The following ZNF182 variants were observed in gnomAD, a reference collection of about 807,000 sequenced individuals.
The protein encoded by ZNF182 is zinc finger protein 182, also known as zinc finger protein 21 (KOX 14).
Under a neutral mutation model 28.1 loss-of-function variants are expected in ZNF182, and 10 were observed. That is an observed-to-expected ratio of 0.36 (90% CI 0.22 to 0.60). The LOEUF (loss-of-function observed/expected upper bound fraction) is 0.60, where lower values mean the gene tolerates loss of function less well. Among genes scored for constraint, ZNF182 ranks in the 20% least tolerant of loss-of-function variants. The pLI, the probability that ZNF182 is intolerant of heterozygous loss-of-function variation, is 0.75. For synonymous variants in ZNF182, 156 were observed against 158.7 expected (o/e 0.98, Z 0.13); for missense variants, 352 against 453.2 (o/e 0.78, Z 2.03).
At chrX:47,987,263 T>C (rs1336488822) in intron 3 of ZNF182, among the ~76,000 whole-genome samples, 1 of 112,077 alleles carries the variant, frequency 8.9e-6, no homozygotes, top group East Asian at 2.8e-4. Flanking sequence ...GATCTCCAGA[T>C]TGACTCACAA....
At chrX:47,986,136 T>C (rs1202308304) in intron 3 of ZNF182, among the ~76,000 whole-genome samples, 1 of 111,871 alleles carries the variant, frequency 8.9e-6, no homozygotes, top group Admixed American at 9.4e-5. Context: ...GGAATGAAGG[T>C]TTGGGTCACT....
At chrX:47,996,665 C>T (rs2058959332) in intron 3 of ZNF182, among the ~76,000 whole-genome samples, 1 of 111,973 alleles carries the variant, frequency 8.9e-6, no homozygotes, top group African/African-American at 3.2e-5. Flanking sequence ...TACATTGAAG[C>T]CCCAACCTGC....
At chrX:47,999,933 C>T (rs2058972989) in intron 3 of ZNF182, among the ~76,000 whole-genome samples, 1 of 110,982 alleles carries the variant, frequency 9.0e-6, no homozygotes, top group South Asian at 3.8e-4. Context: ...GTCAGCAGTT[C>T]GAGACCAGCC....
chrX:47,985,774 A>G (rs2058921390), intron 3 of ZNF182, among the ~76,000 whole-genome samples: 1 of 110,743 alleles, frequency 9.0e-6, no homozygotes, highest in Admixed American at 9.6e-5. Flanking sequence ...CTGCAACATT[A>G]TGTTCTGCCA....
intron 5 of ZNF182, among the ~76,000 whole-genome samples, chrX:47,978,817 TAGTC>T (rs1338972115): frequency 2.7e-5 from 3 of 112,672 alleles, no homozygotes; most frequent in African/African-American, 9.7e-5. Flanking sequence ...ACTTCTAAAG[TAGTC>T]AGTCATCTGT....
chrX:47,983,434 T>C (rs368847467), intron 3 of ZNF182, 23 bp from the exon 4 acceptor site: 35 of 1,178,948 alleles, frequency 3.0e-5, no homozygotes, highest in Non-Finnish European at 3.9e-5. Context: ...ATTCCTTTTA[T>C]TTTAAAATGC....
At chrX:47,995,933 A>G (rs1023411812) in intron 3 of ZNF182, among the ~76,000 whole-genome samples, 11 of 112,668 alleles carry the variant, frequency 9.8e-5, no homozygotes, top group Non-Finnish European at 1.9e-4. Context: ...AATGAAGGTG[A>G]AAGAAGACAT....
intron 3 of ZNF182, among the ~76,000 whole-genome samples, chrX:47,984,097 C>A (rs1354842447): frequency 3.6e-5 from 4 of 111,013 alleles, no homozygotes; most frequent in African/African-American, 1.3e-4. Context: ...GAAACACACA[C>A]AAAAGAATGG....
intron 3 of ZNF182, among the ~76,000 whole-genome samples, chrX:48,001,307 G>A (rs2058977747): frequency 8.9e-6 from 1 of 112,311 alleles, no homozygotes; most frequent in Non-Finnish European, 1.9e-5. Context: ...CAGGTGAATG[G>A]ATAAATACAC....
intron 3 of ZNF182, among the ~76,000 whole-genome samples, chrX:47,990,445 C>T (rs1466162519): frequency 9.0e-6 from 1 of 111,222 alleles, no homozygotes; most frequent in East Asian, 2.8e-4. Flanking sequence ...CTGCCATTAA[C>T]TCTCAAACTG....
intron 2 of ZNF182, 105 bp from the exon 3 acceptor site, chrX:48,002,758 C>T: frequency 3.1e-6 from 2 of 649,679 alleles, no homozygotes; most frequent in Non-Finnish European, 4.8e-6. Flanking sequence ...GGCCATCAGA[C>T]TGCTCTCTGG....
At position 47,976,961 on chromosome X, in the gene ZNF182, A is replaced by G; in HGVS notation, c.1069T>C (p.Cys357Arg). ...CTGAAAGTTTTCTTACACTCATTAC[A>G]TTCATGGGGTTTCTTTCCTGTATGG... ...STHTGKKPHE[C>R]NECKKTFSDK... is the part of the protein sequence containing the mutation. The change falls in exon 6 of 6, where the codon TGT becomes CGT. Residue 357 changes from cysteine (C) to arginine (R), a missense_variant. By Grantham distance (180) the Cys-to-Arg change is radical. Coordinates refer to ENST00000376943, the MANE Select transcript of ZNF182 (RefSeq NM_001007088.2). 2.5e-6 allele frequency: 3 copies of G among 1,207,387 alleles called. No individual in the cohort carries two copies. Among genetic ancestry groups the G allele is most frequent in the Non-Finnish European group, 3.4e-6 (3 of 894,083 alleles).
intron 3 of ZNF182, among the ~76,000 whole-genome samples, chrX:48,002,206 A>G (rs1332984669): frequency 7.1e-5 from 8 of 112,090 alleles, no homozygotes; most frequent in African/African-American, 2.6e-4. Context: ...GCAGGAAAGC[A>G]TTTGTCACCA....
intron 3 of ZNF182, among the ~76,000 whole-genome samples, chrX:47,993,188 G>T (rs899106049): frequency 8.0e-5 from 9 of 112,389 alleles, no homozygotes; most frequent in African/African-American, 2.6e-4. Context: ...ACCTCTCAAT[G>T]GCAGGGTTAG....
Position 47,983,025 on chromosome X carries a change from G to C in ZNF182, c.156C>G (p.Thr52=). The stretch of plus-strand genomic sequence containing the variant: ...CCAACTTGAGGATGAGGTTTGGTTT[G>C]GTAACCTGCTGCCCTGTTGATGAGA... ...SNLVFVGQQV[T]KPNLILKLEV... The change falls in exon 5 of 6, where the codon ACC becomes ACG. Residue 52 remains threonine (T), a synonymous_variant. Transcript: ENST00000376943. The C allele has an allele frequency of 8.3e-7, 1 of 1,211,025 alleles. No individual in the cohort carries two copies. Among genetic ancestry groups the C allele is most frequent in the Non-Finnish European group, 1.1e-6 (1 of 895,099 alleles).
At chrX:47,990,086 C>A (rs1025442941) in intron 3 of ZNF182, among the ~76,000 whole-genome samples, 1 of 110,553 alleles carries the variant, frequency 9.0e-6, no homozygotes, top group Non-Finnish European at 1.9e-5. Flanking sequence ...CAAATCATAG[C>A]TGACAAATTC....
intron 3 of ZNF182, chrX:47,988,604 T>C (rs376735021): frequency 2.6e-5 from 12 of 465,799 alleles, no homozygotes; most frequent in Non-Finnish European, 3.9e-5. Flanking sequence ...ATGCTTCTTG[T>C]ACAGCTTGCA....
intron 5 of ZNF182, among the ~76,000 whole-genome samples, chrX:47,980,874 A>C (rs1364751593): frequency 1.8e-5 from 2 of 111,778 alleles, no homozygotes; most frequent in African/African-American, 6.5e-5. Flanking sequence ...ATTCCTTAAA[A>C]ATAGTAAATA....
intron 4 of ZNF182, 70 bp from the exon 5 acceptor site, chrX:47,983,108 T>C: frequency 8.9e-7 from 1 of 1,126,100 alleles, no homozygotes; most frequent in South Asian, 1.8e-5. Context: ...AGTTACATAT[T>C]GGGGGCAGCA....
Sources: allele counts gnomAD v4.1 joint callset (sites outside exome capture counted in the v4.1 genomes callset), GRCh38; gene constraint gnomAD v4.1.1; transcripts MANE v1.5; gene names NCBI Gene and HGNC (gene_info 2026-07-23, HGNC 2026-07-21).